The following OSBPL5 variants were observed in gnomAD, a reference collection of about 807,000 sequenced individuals.
The protein encoded by OSBPL5 is oxysterol-binding protein-related protein 5.
In OSBPL5, 71 loss-of-function variants were observed where a neutral mutation model predicts 111.2. The ratio of observed to expected loss-of-function variants is 0.64; its 90% CI spans 0.53 to 0.78. The LOEUF is 0.78. OSBPL5 is among the 30% of genes least tolerant of loss of function. OSBPL5 has a pLI of 0.00. For missense variants in OSBPL5, 1,210 were observed against 1,189.3 expected (o/e 1.02, Z -0.26); for synonymous variants, 549 against 513.9 (o/e 1.07, Z -0.93).
chr11:3,107,314 C>T lies in OSBPL5; in HGVS notation c.1008G>A (p.Pro336=), dbSNP rs149981391. Residue 336 remains proline, a synonymous_variant, in exon 9 of 22, where the codon CCG becomes CCA. Coordinates refer to ENST00000263650, the MANE Select transcript of OSBPL5 (RefSeq NM_020896.4). The surrounding 1 kb of genome is among the most constrained non-coding windows in gnomAD (Gnocchi z 6.1). The part of the protein sequence containing the change: ...GSDQSETPGA[P]VRRGTTYVEQ... Reference sequence around the variant, plus strand: ...CCACATAGGTGGTCCCTCTCCGCACCGGGGCCCCAGGGGTCTCTGACTGGT... The same window carrying T: ...CCACATAGGTGGTCCCTCTCCGCACTGGGGCCCCAGGGGTCTCTGACTGGT... 7.2e-4 allele frequency: 1,160 copies of T among 1,613,800 alleles called. 8 individuals carry two copies. Among genetic ancestry groups the T allele is most frequent in the Admixed American group, 5.2e-4 (31 of 60,014 alleles).
rs1265040413 is a variant in OSBPL5 at position 3,161,744 on chromosome 11, T to C, written c.-22+3472A>G. 6.6e-6 allele frequency among the ~76,000 whole-genome samples: 1 copy of C among 151,662 alleles called. No individual in the cohort carries two copies. The highest frequency in any genetic ancestry group is 2.0e-4 in the East Asian group (1 of 5,128). On this transcript the variant is annotated intron_variant, in intron 1 of 21. Coordinates refer to ENST00000263650, the MANE Select transcript of OSBPL5 (RefSeq NM_020896.4). The surrounding 1 kb of genome is among the most constrained non-coding windows in gnomAD (Gnocchi z 8.0). ...AATTAAACAAACATGACCATTTCAG[T>C]ATAAATAAAGAGAAAACAAAACACA...
chr11:3,092,577 G>A lies in OSBPL5; in HGVS notation c.2133-19C>T, dbSNP rs928535126. The stretch of plus-strand genomic sequence containing the variant: ...GCTGTGGCTGGAGGGTCCAGAGGGC[G>A]TTCATCAGCACAGGCAGTGGCCCTC... On this transcript the variant is annotated intron_variant, in intron 18 of 21. Transcript: ENST00000263650. This position sits in a 1 kb window ranked among gnomAD's most constrained non-coding sequence, Gnocchi z 5.4. 17 of 1,570,316 alleles carry A rather than the reference G, an allele frequency of 1.1e-5. No individual in the cohort carries two copies. The highest frequency in any genetic ancestry group is 6.7e-5 in the African/African-American group (5 of 74,188).
At chr11:3,135,911 T>A (rs1845936277) in intron 1 of OSBPL5, among the ~76,000 whole-genome samples, 1 of 152,144 alleles carries the variant, frequency 6.6e-6, no homozygotes, top group Admixed American at 6.5e-5. Flanking sequence ...GGGAGTGAGC[T>A]CTGACTCTGG....
Position 3,140,669 on chromosome 11 carries a change from T to G in OSBPL5, c.-21-11500A>C, listed in dbSNP as rs1239848997. 6.6e-6 allele frequency among the ~76,000 whole-genome samples: 1 copy of G among 152,168 alleles called. No individual in the cohort carries two copies. The highest frequency in any genetic ancestry group is 1.5e-5 in the Non-Finnish European group (1 of 68,020). On this transcript the variant is annotated intron_variant, in intron 1 of 21. Transcript: ENST00000263650. This position sits in a 1 kb window ranked among gnomAD's most constrained non-coding sequence, Gnocchi z 4.5. ...CTCCCCTCTGTCCCCCAGCTCACATTACCCAGGACTGGCTGTAGGAGCCTT... is the reference window on the plus strand; with the variant it reads ...CTCCCCTCTGTCCCCCAGCTCACATGACCCAGGACTGGCTGTAGGAGCCTT...
intron 1 of OSBPL5, among the ~76,000 whole-genome samples, chr11:3,147,533 G>A (rs957206557): frequency 2.0e-5 from 3 of 152,254 alleles, no homozygotes; most frequent in East Asian, 1.9e-4. Flanking sequence ...ACGGAGCAAC[G>A]CAGGCAGAGC....
At position 3,161,502 on chromosome 11, in the gene OSBPL5, G is replaced by A. The variant is rs1312104857; in HGVS notation, c.-22+3714C>T. The A allele has an allele frequency of 1.3e-5, 2 of 152,262 alleles. No individual in the cohort carries two copies. Among genetic ancestry groups the A allele is most frequent in the Non-Finnish European group, 2.9e-5 (2 of 68,070 alleles). The allele number at this position is 152,262 out of a possible 1,614,324, so 9.4% of individuals were successfully genotyped here. Reference sequence around the variant, plus strand: ...CAATCTACTGACCTCCCTGGGATGAGACAGTATGACGGCTTTCCACATGTG... The same window carrying A: ...CAATCTACTGACCTCCCTGGGATGAAACAGTATGACGGCTTTCCACATGTG... On this transcript the variant is annotated intron_variant, in intron 1 of 21. Transcript: ENST00000263650. The surrounding 1 kb of genome is among the most constrained non-coding windows in gnomAD (Gnocchi z 8.0).
intron 7 of OSBPL5, among the ~76,000 whole-genome samples, chr11:3,112,571 C>G (rs1218966900): frequency 1.4e-5 from 2 of 142,782 alleles, no homozygotes; most frequent in Non-Finnish European, 1.5e-5. Flanking sequence ...TTAGAAATGT[C>G]TTTGTTTAAA....
chr11:3,089,622 C>A (rs1590625875), intron 21 of OSBPL5, among the ~76,000 whole-genome samples: 1 of 152,214 alleles, frequency 6.6e-6, no homozygotes, highest in Non-Finnish European at 1.5e-5. Flanking sequence ...CCAGGCATGG[C>A]CAACTTGGCT....
chr11:3,118,417 C>T (rs1453726766), intron 7 of OSBPL5, among the ~76,000 whole-genome samples: 2 of 152,164 alleles, frequency 1.3e-5, no homozygotes, highest in East Asian at 3.9e-4. Flanking sequence ...CTTTCCAGAC[C>T]GAACCAATGT....
rs970889989 is a variant in OSBPL5 at position 3,147,290 on chromosome 11, A to T, written c.-22+17926T>A. 3.5e-4 allele frequency among the ~76,000 whole-genome samples: 54 copies of T among 152,180 alleles called. 1 individual carries two copies. In the East Asian group the frequency reaches 9.9e-3, roughly 28 times the overall value. On this transcript the variant is annotated intron_variant, in intron 1 of 21. Transcript: ENST00000263650. ...AGGGGGAGTGGGCGCCAGCTCCAGG[A>T]CTGGATGTGTCTGACAGCCTGTGTC...
Position 3,092,644 on chromosome 11 carries a change from A to G in OSBPL5, c.2133-86T>C. 1 of 1,450,786 alleles carries G rather than the reference A, an allele frequency of 6.9e-7. No individual in the cohort carries two copies. Among genetic ancestry groups the G allele is most frequent in the South Asian group, 1.4e-5 (1 of 72,324 alleles). The allele number at this position is 1,450,786 out of a possible 1,614,324, so 89.9% of individuals were successfully genotyped here. On this transcript the variant is annotated intron_variant, in intron 18 of 21. Coordinates refer to ENST00000263650, the MANE Select transcript of OSBPL5 (RefSeq NM_020896.4). The surrounding 1 kb of genome is among the most constrained non-coding windows in gnomAD (Gnocchi z 5.4). ...CTGGCCCAGTCTTCAGCCCCCCAACAGTGGCCAGAGACCTCCAGGAGAATG... is the reference window on the plus strand; with the variant it reads ...CTGGCCCAGTCTTCAGCCCCCCAACGGTGGCCAGAGACCTCCAGGAGAATG...
Position 3,110,929 on chromosome 11 carries a change from G to C in OSBPL5, c.692-2984C>G, listed in dbSNP as rs1401435351. ...CCTCCTGAGGCTGTGTCACAGGTAGGCGTCTTCAACCTTGGCAAAATAAAC... is the reference window on the plus strand; with the variant it reads ...CCTCCTGAGGCTGTGTCACAGGTAGCCGTCTTCAACCTTGGCAAAATAAAC... On this transcript the variant is annotated intron_variant, in intron 7 of 21. Transcript: ENST00000263650. This position sits in a 1 kb window ranked among gnomAD's most constrained non-coding sequence, Gnocchi z 5.3. 6.6e-6 allele frequency among the ~76,000 whole-genome samples: 1 copy of C among 152,110 alleles called. No homozygotes were observed. The highest frequency in any genetic ancestry group is 1.5e-5 in the Non-Finnish European group (1 of 68,046).
rs1419005056 is a variant in OSBPL5, at chr11:3,113,717, C to G, written c.692-5772G>C. Among the ~76,000 whole-genome samples the G allele has an allele frequency of 6.6e-6, 1 of 152,094 alleles. No individual in the cohort carries two copies. The highest frequency in any genetic ancestry group is 2.4e-5 in the African/African-American group (1 of 41,400). On this transcript the variant is annotated intron_variant, in intron 7 of 21. Coordinates refer to ENST00000263650, the MANE Select transcript of OSBPL5 (RefSeq NM_020896.4). The surrounding 1 kb of genome is among the most constrained non-coding windows in gnomAD (Gnocchi z 4.8). ...CTACATCTTAAATTTAGTAAGATTA[C>G]CATAACTTCTAATCTGGTGGCTTTA...
Position 3,093,590 on chromosome 11 carries a change from C to T in OSBPL5, c.1883G>A (p.Arg628His), listed in dbSNP as rs139881025. Residue 628 changes from arginine to histidine, a missense_variant, in exon 17 of 22, where the codon CGC becomes CAC. By Grantham distance (29) the Arg-to-His change is conservative (BLOSUM62 0). Coordinates refer to ENST00000263650, the MANE Select transcript of OSBPL5 (RefSeq NM_020896.4). ...CGTGTGCTGCCTCAGCCTCTGTCTG[C>T]GGACCTCCCCGCTCGGGGTCCAGAA... ...ALFWTPSGEV[R>H]RQRLRQHTVP... The T allele has an allele frequency of 8.1e-5, 130 of 1,612,422 alleles. 1 individual carries two copies. In the Admixed American group the frequency reaches 2.0e-3, roughly 25 times the overall value.
chr11:3,118,573 T>A (rs1484532410), intron 7 of OSBPL5, among the ~76,000 whole-genome samples: 2 of 143,676 alleles, frequency 1.4e-5, no homozygotes, highest in Non-Finnish European at 3.0e-5. Flanking sequence ...ATAAACTATT[T>A]TTTTTTTTTT....
At chr11:3,096,957 G>C (rs1318063956) in intron 14 of OSBPL5, among the ~76,000 whole-genome samples, 3 of 119,524 alleles carry the variant, frequency 2.5e-5, no homozygotes, top group Non-Finnish European at 3.7e-5. Flanking sequence ...GAGATGGGAG[G>C]AGGAGAAGAG....
chr11:3,091,899 G>A (rs1257972417), intron 19 of OSBPL5, among the ~76,000 whole-genome samples: 1 of 152,156 alleles, frequency 6.6e-6, no homozygotes, highest in Admixed American at 6.5e-5. Flanking sequence ...GTAGGTGCAC[G>A]GCTGGGGCGG....
At chr11:3,108,518 C>T (rs1159836264) in intron 7 of OSBPL5, among the ~76,000 whole-genome samples, 1 of 152,172 alleles carries the variant, frequency 6.6e-6, no homozygotes, top group Non-Finnish European at 1.5e-5. Flanking sequence ...AGGAGACCTG[C>T]CTGAGGCCGC....
At chr11:3,127,537 G>C (rs558993816) in intron 2 of OSBPL5, among the ~76,000 whole-genome samples, 1 of 152,352 alleles carries the variant, frequency 6.6e-6, no homozygotes, top group East Asian at 1.9e-4. Context: ...CGCTGACCCT[G>C]GCCGGCAGTG....
Sources: allele counts gnomAD v4.1 joint callset (sites outside exome capture counted in the v4.1 genomes callset), GRCh38; gene constraint gnomAD v4.1.1; non-coding constraint Gnocchi (gnomAD v3.1); transcripts MANE v1.5; gene names NCBI Gene and HGNC (gene_info 2026-07-23, HGNC 2026-07-21).